The following BTAF1 variants were observed in gnomAD, a reference collection of about 807,000 sequenced individuals.
BTAF1 encodes the protein B-TFIID TATA-box binding protein associated factor 1, also known as TATA-binding protein-associated factor 172.
BTAF1 carries 38 observed loss-of-function variants against 227.1 expected under a neutral mutation model. That is an observed-to-expected ratio of 0.17 (90% CI 0.13 to 0.22). BTAF1 has a LOEUF of 0.22. Ranked by LOEUF, BTAF1 falls within the 10% of genes least tolerant of loss-of-function variation. The pLI is 1.00. For missense variants in BTAF1, 1,598 were observed against 2,204.0 expected, an observed-to-expected ratio of 0.73 and a Z score of 5.51; for synonymous variants, 742 against 751.9, an observed-to-expected ratio of 0.99 and a Z score of 0.21.
chr10:92,019,196 A>G (rs1175069171), intron 34 of BTAF1, among the ~76,000 whole-genome samples: 1 of 152,208 alleles, frequency 6.6e-6, no homozygotes, highest in Non-Finnish European at 1.5e-5. Flanking sequence ...CTGCTAAAAT[A>G]TTTCCACCAC....
chr10:92,003,427 C>T (rs1411916553), intron 25 of BTAF1, among the ~76,000 whole-genome samples: 1 of 152,168 alleles, frequency 6.6e-6, no homozygotes. Context: ...GCACTAAGCA[C>T]CTAGTAACCA....
intron 4 of BTAF1, 87 bp downstream of exon 4, chr10:91,942,655 AAACT>A: frequency 4.3e-6 from 6 of 1,388,622 alleles, no homozygotes; most frequent in African/African-American, 1.4e-5. Context: ...AGTCACACGT[AAACT>A]AACATGTCAT....
In BTAF1 at chr10:92,024,821, C is replaced by T. The variant is rs1042963985; in HGVS notation, c.4929C>T (p.Ala1643=). Reference sequence around the variant, plus strand: ...AGAGTGGCACAGAGTCTGTTGTGGCCCAGCACAGGATACTGATATTCTGTC... The same window carrying T: ...AGAGTGGCACAGAGTCTGTTGTGGCTCAGCACAGGATACTGATATTCTGTC... ...TSESGTESVV[A]QHRILIFCQL... The change falls in exon 35 of 38, where the codon GCC becomes GCT. Residue 1643 remains alanine, a synonymous_variant. Transcript: ENST00000265990. 2 of 1,613,130 alleles carry T rather than the reference C, an allele frequency of 1.2e-6. No individual in the cohort carries two copies. Among genetic ancestry groups the T allele is most frequent in the African/African-American group, 1.3e-5 (1 of 74,690 alleles).
intron 14 of BTAF1, among the ~76,000 whole-genome samples, chr10:91,977,042 G>A (rs118170633): frequency 0.035 from 5,349 of 152,224 alleles, 120 homozygotes; most frequent in Middle Eastern, 0.055. Context: ...ATTTAGCCAG[G>A]GGAAAATAAG....
chr10:91,943,125 CCAA>C (rs1484112641), intron 4 of BTAF1, among the ~76,000 whole-genome samples: 1 of 152,106 alleles, frequency 6.6e-6, no homozygotes, highest in African/African-American at 2.4e-5. Flanking sequence ...AGCAGCCTAA[CCAA>C]CATGGCGAAA....
chr10:91,958,172 C>T (rs1846228887), intron 8 of BTAF1, among the ~76,000 whole-genome samples: 1 of 152,074 alleles, frequency 6.6e-6, no homozygotes, highest in South Asian at 2.1e-4. Flanking sequence ...GCTTAGCCTC[C>T]TGAGTAGCTG....
At chr10:91,999,978 G>A (rs564218091) in intron 25 of BTAF1, among the ~76,000 whole-genome samples, 1 of 152,142 alleles carries the variant, frequency 6.6e-6, no homozygotes, top group Non-Finnish European at 1.5e-5. Flanking sequence ...TTGGGAAGGA[G>A]CATATGGGAT....
At chr10:91,997,892 T>G in intron 25 of BTAF1, 141 bp downstream of exon 25, 2 of 778,898 alleles carry the variant, frequency 2.6e-6, no homozygotes, top group Non-Finnish European at 4.0e-6. Flanking sequence ...GTGGATCATC[T>G]GAGGTCAGGA....
At chr10:91,963,258 C>T (rs921466140) in intron 12 of BTAF1, among the ~76,000 whole-genome samples, 2 of 151,796 alleles carry the variant, frequency 1.3e-5, no homozygotes, top group Non-Finnish European at 2.9e-5. Flanking sequence ...GCCACTGTGC[C>T]TTGGCTGATT....
At chr10:91,966,202 C>T (rs1846899693) in intron 13 of BTAF1, among the ~76,000 whole-genome samples, 1 of 152,102 alleles carries the variant, frequency 6.6e-6, no homozygotes, top group Non-Finnish European at 1.5e-5. Flanking sequence ...GAGATGGCAC[C>T]AAAGGGAGAT....
In BTAF1 at chr10:92,018,873, G is replaced by A. The variant is rs779540302; in HGVS notation, c.4801G>A (p.Ala1601Thr). ...ATTCAAGACCACTGCCGAAAAACTG[G>A]CAGTTCAGAATTCTTCTCTACATGA... ...PEFKTTAEKL[A>T]VQNSSLHDIQ... The change falls in exon 34 of 38, where the codon GCA (alanine) becomes ACA (threonine). Residue 1601 changes from alanine to threonine, a missense_variant. Transcript: ENST00000265990. 27 of 1,610,864 alleles carry A rather than the reference G, an allele frequency of 1.7e-5. No homozygotes were observed. The highest frequency in any genetic ancestry group is 1.7e-5 in the Non-Finnish European group (20 of 1,179,156).
intron 1 of BTAF1, among the ~76,000 whole-genome samples, chr10:91,929,756 G>C (rs972509831): frequency 2.0e-5 from 3 of 152,062 alleles, no homozygotes; most frequent in Non-Finnish European, 2.9e-5. Context: ...AGGTCTCTCT[G>C]TGTTGGCCAG....
At position 92,024,914 on chromosome 10, in the gene BTAF1, T is replaced by C. The variant is rs773055720; in HGVS notation, c.5022T>C (p.Tyr1674=). Residue 1674 remains tyrosine (Y), a synonymous_variant, in exon 35 of 38, where the codon TAT becomes TAC. Transcript: ENST00000265990. ...AACCTCACTTGCCCTCTGTCACTTA[T>C]TTGAGATTAGATGGCAGCATACCTC... is the stretch of plus-strand genomic sequence containing the variant. ...LLKPHLPSVT[Y]LRLDGSIPPG... 7.4e-6 allele frequency: 12 copies of C among 1,613,962 alleles called. No individual in the cohort carries two copies. Among genetic ancestry groups the C allele is most frequent in the South Asian group, 1.1e-5 (1 of 91,078 alleles).
At chr10:91,982,449 T>C in intron 17 of BTAF1, 138 bp from the exon 18 acceptor site, 1 of 1,122,608 alleles carries the variant, frequency 8.9e-7, no homozygotes, top group South Asian at 1.7e-5. Context: ...TCATTATACC[T>C]TCTGTGGGAA....
chr10:91,956,744 C>T, intron 7 of BTAF1, 87 bp downstream of exon 7: 2 of 1,427,558 alleles, frequency 1.4e-6, no homozygotes, highest in East Asian at 4.8e-5. Context: ...AATCCCAGCA[C>T]TTTGGGAGGT....
rs1851388982 is a variant in BTAF1, at chr10:92,024,842, C to G, written c.4950C>G (p.Phe1650Leu). ...TGGCCCAGCACAGGATACTGATATT[C>G]TGTCAGCTGAAAAGCATGCTTGATA... ...SVVAQHRILI[F>L]CQLKSMLDIV... Residue 1650 changes from phenylalanine to leucine, a missense_variant, in exon 35 of 38, where the codon TTC becomes TTG. Coordinates refer to ENST00000265990, the MANE Select transcript of BTAF1 (RefSeq NM_003972.3). 4.3e-6 allele frequency: 7 copies of G among 1,613,076 alleles called. No homozygotes were observed. The highest frequency in any genetic ancestry group is 5.9e-6 in the Non-Finnish European group (7 of 1,179,862).
At chr10:91,989,031 A>G (rs1848582180) in intron 19 of BTAF1, 123 bp from the exon 20 acceptor site, 1 of 808,600 alleles carries the variant, frequency 1.2e-6, no homozygotes, top group Admixed American at 3.0e-5. Flanking sequence ...GAGTACTAAA[A>G]CAATATTACA....
chr10:92,018,629 CTGGT>C (rs1850902454), intron 33 of BTAF1, among the ~76,000 whole-genome samples, 150 bp from the exon 34 acceptor site: 1 of 152,122 alleles, frequency 6.6e-6, no homozygotes, highest in Admixed American at 6.5e-5. Flanking sequence ...GACATTTGAA[CTGGT>C]TCTTGAAGAA....
chr10:91,991,271 A>ATATATATAAAT (rs1564699914), intron 20 of BTAF1, among the ~76,000 whole-genome samples: 1 of 66,230 alleles, frequency 1.5e-5, no homozygotes, highest in Non-Finnish European at 3.7e-5. Context: ...TATAAATATA[A>ATATATATAAAT]ATATATATAT....
Sources: gnomAD v4.1 joint callset for allele counts (sites outside exome capture counted in the v4.1 genomes callset) on GRCh38, gnomAD v4.1.1 for gene constraint, MANE v1.5 for transcripts, NCBI Gene and HGNC (gene_info 2026-07-23, HGNC 2026-07-21) for gene names.